The following HMCN1 variants were observed in gnomAD, a reference collection of about 807,000 sequenced individuals.
HMCN1 encodes hemicentin 1.
Under a neutral mutation model 625.9 loss-of-function variants are expected in HMCN1, and 321 were observed. That is an observed-to-expected ratio of 0.51 (90% CI 0.47 to 0.56). The LOEUF (loss-of-function observed/expected upper bound fraction) is 0.56, where lower values mean the gene tolerates loss of function less well. HMCN1 is among the 20% of genes least tolerant of loss of function. The probability of loss-of-function intolerance (pLI) is 0.00; values close to 1 mark genes in which losing one functional copy is unlikely to be tolerated. For missense variants in HMCN1, 6,588 were observed against 6,887.3 expected (o/e 0.96, Z 1.54); for synonymous variants, 2,425 against 2,417.6 (o/e 1.00, Z -0.09).
At chr1:186,039,623 C>A in intron 38 of HMCN1, 105 bp from the exon 39 acceptor site, 1 of 1,249,528 alleles carries the variant, frequency 8.0e-7, no homozygotes, top group Non-Finnish European at 1.2e-6. Context: ...ACAAGCAAAC[C>A]CTCCAATAAG....
intron 48 of HMCN1, among the ~76,000 whole-genome samples, chr1:186,063,768 A>G (rs1349064345): frequency 6.6e-6 from 1 of 152,152 alleles, no homozygotes. Flanking sequence ...GCATGTTTGA[A>G]TATTACAGAG....
At chr1:186,056,725 T>C (rs1335237334) in intron 45 of HMCN1, among the ~76,000 whole-genome samples, 1 of 151,780 alleles carries the variant, frequency 6.6e-6, no homozygotes. Flanking sequence ...ATGGCAACAG[T>C]AGACACTGGG....
rs566812014 is a variant in HMCN1 at position 185,748,628 on chromosome 1, T to C, written c.268+13581T>C. On this transcript the variant is annotated intron_variant, in intron 1 of 106. Transcript: ENST00000271588. ...AAAGTAAAATTTAGTAGAGTTAGAA[T>C]GGCATAGGTTTTGAGTGAATGGATT... 5.3e-5 allele frequency among the ~76,000 whole-genome samples: 8 copies of C among 152,358 alleles called. No individual in the cohort carries two copies. The East Asian group carries it at 5.8e-4, about 11-fold the overall frequency.
chr1:185,754,945 C>G (rs977624928), intron 1 of HMCN1, among the ~76,000 whole-genome samples: 2 of 152,180 alleles, frequency 1.3e-5, no homozygotes, highest in Non-Finnish European at 2.9e-5. Context: ...TTTACTAGCT[C>G]TGTAAATATG....
At position 185,923,407 on chromosome 1, in the gene HMCN1, CT is replaced by C. The variant is rs1438662233; in HGVS notation, c.1040del (p.Leu347ArgfsTer13). The C allele has an allele frequency of 6.2e-7, 1 of 1,609,654 alleles. No homozygotes were observed. The highest frequency in any genetic ancestry group is 8.5e-7 in the Non-Finnish European group (1 of 1,176,876). ...RPVQGIPTYV[L>X]LNTSGISTPA... The stretch of plus-strand genomic sequence containing the variant: ...TCTTGTAGGAATACCTACCTATGTA[CT>C]GCTCAATACTTCTGGAATTTCCACT... On this transcript the variant is annotated frameshift_variant, in exon 8 of 107. Coordinates refer to ENST00000271588, the MANE Select transcript of HMCN1 (RefSeq NM_031935.3). LOFTEE classifies it high-confidence loss of function.
chr1:186,153,821 T>G lies in HMCN1; in HGVS notation c.15090T>G (p.Ile5030Met), dbSNP rs747696071. The G allele has an allele frequency of 6.2e-7, 1 of 1,614,184 alleles. No homozygotes were observed. Among genetic ancestry groups the G allele is most frequent in the Non-Finnish European group, 8.5e-7 (1 of 1,180,016 alleles). ...CCTACTCAACCCGGCTGTTCACCAT[T>G]GATGGCATCAGCATCCCATACACAT... Reference protein sequence around the residue: ...LYAYSTRLFTIDGISIPYTWN... With the variant: ...LYAYSTRLFTMDGISIPYTWN... The change falls in exon 97 of 107, where the codon ATT becomes ATG. Residue 5030 changes from isoleucine to methionine, a missense_variant. Coordinates refer to ENST00000271588, the MANE Select transcript of HMCN1 (RefSeq NM_031935.3).
chr1:185,858,193 C>A (rs183456663), intron 2 of HMCN1, among the ~76,000 whole-genome samples: 1 of 152,190 alleles, frequency 6.6e-6, no homozygotes, highest in Admixed American at 6.5e-5. Context: ...GTGTTTGTGA[C>A]AATACTCTCT....
chr1:186,093,633 C>T lies in HMCN1; in HGVS notation c.10160C>T (p.Ser3387Phe). The change falls in exon 66 of 107, where the codon TCC becomes TTC. Residue 3387 changes from serine to phenylalanine, a missense_variant. Physicochemically the swap from Ser to Phe is radical, Grantham distance 155 (BLOSUM62 -2). Transcript: ENST00000271588. ...AATGGACTTCCTCTGCCTCTCTCCT[C>T]CCATATCCGGTTACTGGCAGCAGGA... is the stretch of plus-strand genomic sequence containing the variant. ...LKNGLPLPLS[S>F]HIRLLAAGQV... 1 of 1,613,372 alleles carries T rather than the reference C, an allele frequency of 6.2e-7. No homozygotes were observed. The highest frequency in any genetic ancestry group is 8.5e-7 in the Non-Finnish European group (1 of 1,179,564).
chr1:185,755,187 G>GT (rs1655055378), intron 1 of HMCN1, among the ~76,000 whole-genome samples: 1 of 152,082 alleles, frequency 6.6e-6, no homozygotes, highest in Admixed American at 6.5e-5. Flanking sequence ...TATAATCTGT[G>GT]TTTTTCTCCT....
intron 96 of HMCN1, 146 bp downstream of exon 96, chr1:186,153,017 T>A: frequency 8.6e-7 from 1 of 1,162,364 alleles, no homozygotes. Context: ...GATCTTTGTT[T>A]AAAAATCTTC....
At chr1:185,825,888 G>A (rs112145977) in intron 1 of HMCN1, among the ~76,000 whole-genome samples, 4,701 of 152,218 alleles carry the variant, frequency 0.031, 263 homozygotes, top group African/African-American at 0.11. Context: ...AGTATTTGGA[G>A]GAGACGAAAG....
At chr1:185,923,675 C>T in intron 8 of HMCN1, 22 bp downstream of exon 8, 2 of 1,574,462 alleles carry the variant, frequency 1.3e-6, no homozygotes, top group Non-Finnish European at 1.7e-6. Context: ...TTTTATTCAA[C>T]ATTGAAATAT....
At chr1:185,905,164 A>C (rs1430978070) in intron 4 of HMCN1, among the ~76,000 whole-genome samples, 1 of 151,870 alleles carries the variant, frequency 6.6e-6, no homozygotes, top group Non-Finnish European at 1.5e-5. Context: ...GCACATGGAC[A>C]AAATACTGCC....
At chr1:185,738,303 T>A (rs1446556789) in intron 1 of HMCN1, among the ~76,000 whole-genome samples, 1 of 152,196 alleles carries the variant, frequency 6.6e-6, no homozygotes, top group Non-Finnish European at 1.5e-5. Context: ...GCTTTCAGTC[T>A]CCTATACCCC....
At chr1:186,093,704 T>C (rs765690631) in intron 66 of HMCN1, 35 bp downstream of exon 66, 61 of 1,609,554 alleles carry the variant, frequency 3.8e-5, no homozygotes, top group Non-Finnish European at 4.9e-5. Flanking sequence ...CCTAAACAGA[T>C]GAAGTAACTG....
intron 24 of HMCN1, among the ~76,000 whole-genome samples, chr1:185,996,365 A>G (rs1458374948): frequency 6.6e-6 from 1 of 152,158 alleles, no homozygotes; most frequent in Non-Finnish European, 1.5e-5. Context: ...GGGATCAGTC[A>G]TCAATCAGTG....
rs1661329216 is a variant in HMCN1 at position 186,120,066 on chromosome 1, A to AGAG, written c.12153_12155dup (p.Glu4051dup). The stretch of plus-strand genomic sequence containing the variant: ...GCTTACAGATCTCCAGAGCTGTCCG[A>AGAG]GAGGATGCTGGCACTTACATGTGTG... On this transcript the variant is annotated inframe_insertion, in exon 80 of 107. Transcript: ENST00000271588. The AGAG allele has an allele frequency of 6.2e-7, 1 of 1,614,064 alleles. No individual in the cohort carries two copies. Among genetic ancestry groups the AGAG allele is most frequent in the Admixed American group, 1.7e-5 (1 of 60,000 alleles).
chr1:186,088,064 A>G (rs1659622324), intron 61 of HMCN1, 51 bp downstream of exon 61: 2 of 1,611,584 alleles, frequency 1.2e-6, no homozygotes, highest in African/African-American at 2.7e-5. Flanking sequence ...ATGCAAATGA[A>G]AAAAGTGTTC....
chr1:186,055,256 T>A, intron 44 of HMCN1, 137 bp from the exon 45 acceptor site: 1 of 796,670 alleles, frequency 1.3e-6, no homozygotes, highest in Non-Finnish European at 2.0e-6. Context: ...ATCATGTCTG[T>A]TAGTCCTGGG....
Sources: gnomAD v4.1 joint callset for allele counts (sites outside exome capture counted in the v4.1 genomes callset) on GRCh38, gnomAD v4.1.1 for gene constraint, MANE v1.5 for transcripts, NCBI Gene and HGNC (gene_info 2026-07-23, HGNC 2026-07-21) for gene names.